ANGPTL5: variants seen among roughly 807,000 people sequenced by gnomAD.
ANGPTL5 encodes the protein angiopoietin like 5.
ANGPTL5 carries 34 observed loss-of-function variants against 39.4 expected under a neutral mutation model. The ratio of observed to expected loss-of-function variants is 0.86; its 90% CI spans 0.66 to 1.15. ANGPTL5 has a LOEUF of 1.15. Ranked by LOEUF, ANGPTL5 falls within the 50% of genes most tolerant of loss-of-function variation. The pLI is 0.00. For synonymous variants in ANGPTL5, 146 were observed against 152.1 expected (o/e 0.96, Z 0.29); for missense variants, 467 against 457.5 (o/e 1.02, Z -0.19).
intron 1 of ANGPTL5, chr11:101,915,457 C>T (rs913238210): frequency 2.3e-5 from 36 of 1,571,760 alleles, no homozygotes; most frequent in Non-Finnish European, 2.7e-5. Context: ...ATGTTGAAAA[C>T]GGGGCCCATC....
chr11:101,915,552 C>T, intron 1 of ANGPTL5: 13 of 1,132,126 alleles, frequency 1.1e-5, no homozygotes, highest in Non-Finnish European at 1.6e-5. Context: ...CCTTTAGCAA[C>T]TGTCGTGTCT....
intron 3 of ANGPTL5, 61 bp downstream of exon 3, chr11:101,907,040 AGT>A (rs1481693544): frequency 1.7e-5 from 22 of 1,263,764 alleles, no homozygotes; most frequent in Non-Finnish European, 2.3e-5. Flanking sequence ...TATACTTTTC[AGT>A]GTCTACCCTA....
At chr11:101,910,113 C>T (rs1221360668) in intron 1 of ANGPTL5, among the ~76,000 whole-genome samples, 1 of 152,072 alleles carries the variant, frequency 6.6e-6, no homozygotes, top group African/African-American at 2.4e-5. Context: ...TCTAAAGATA[C>T]TAAAAATAAT....
rs567651617 is a variant in ANGPTL5 at position 101,897,730 on chromosome 11, C to T, written c.662-2666G>A. On this transcript the variant is annotated intron_variant, in intron 7 of 8. Coordinates refer to ENST00000334289, the MANE Select transcript of ANGPTL5 (RefSeq NM_178127.5). ...TTGGTCCATATATCTGTTTTGGTAC[C>T]AGTATCAAGCTGTTTTGGTTACTGT... Among the ~76,000 whole-genome samples, 7 of 152,200 alleles carry T rather than the reference C, an allele frequency of 4.6e-5. No homozygotes were observed. The East Asian group carries it at 1.2e-3, about 25-fold the overall frequency.
intron 6 of ANGPTL5, among the ~76,000 whole-genome samples, chr11:101,901,547 C>G (rs1041269063): frequency 6.6e-6 from 1 of 152,214 alleles, no homozygotes. Flanking sequence ...AAAATTCTCC[C>G]TCAGAAACTT....
intron 8 of ANGPTL5, among the ~76,000 whole-genome samples, chr11:101,892,896 T>C (rs191264694): frequency 1.5e-3 from 223 of 152,366 alleles, no homozygotes; most frequent in Middle Eastern, 3.4e-3. Flanking sequence ...CTGCTGATTA[T>C]TAAAGTCTCT....
In ANGPTL5 at chr11:101,901,015, CTTT is replaced by C. The variant is rs34425298; in HGVS notation, c.541-468_541-466del. 2.4e-3 allele frequency among the ~76,000 whole-genome samples: 236 copies of C among 98,618 alleles called. 3 individuals are homozygous for C. The East Asian group carries it at 0.027, about 11-fold the overall frequency. 64.7% of individuals were successfully genotyped at this position (98,618 alleles called of 152,430 possible). On this transcript the variant is annotated intron_variant, in intron 6 of 8. Coordinates refer to ENST00000334289, the MANE Select transcript of ANGPTL5 (RefSeq NM_178127.5). ...TACAGGCGCCCGCTAGCACCCCCGG[CTTT>C]TTTTTTTTTTTTTTTTTTCTTTTGT...
At chr11:101,892,318 C>T (rs1366517135) in intron 8 of ANGPTL5, among the ~76,000 whole-genome samples, 1 of 152,302 alleles carries the variant, frequency 6.6e-6, no homozygotes, top group Admixed American at 6.5e-5. Context: ...GCAACCTTCA[C>T]CTCCCAGGGT....
At chr11:101,899,914 T>C (rs1939863209) in intron 7 of ANGPTL5, among the ~76,000 whole-genome samples, 1 of 152,252 alleles carries the variant, frequency 6.6e-6, no homozygotes, top group African/African-American at 2.4e-5. Flanking sequence ...GTGGCAATAA[T>C]GTAAACAGAT....
chr11:101,897,199 CTTGT>C (rs775203375), intron 7 of ANGPTL5, among the ~76,000 whole-genome samples: 7 of 151,798 alleles, frequency 4.6e-5, no homozygotes, highest in Non-Finnish European at 8.8e-5. Flanking sequence ...TTTTGATGGG[CTTGT>C]TTGTTTTTTT....
rs1940113436 is a variant in ANGPTL5 at position 101,912,826 on chromosome 11, GT to G, written c.-93+3192del. Among the ~76,000 whole-genome samples the G allele has an allele frequency of 2.0e-5, 3 of 152,272 alleles. No homozygotes were observed. The South Asian group carries it at 6.2e-4, about 32-fold the overall frequency. ...CTCATTATATCCTCTTCCTGTTGTA[GT>G]TTGGACACAATTGACCAGGATTAAC... is the stretch of plus-strand genomic sequence containing the variant. On this transcript the variant is annotated intron_variant, in intron 1 of 8. Coordinates refer to ENST00000334289, the MANE Select transcript of ANGPTL5 (RefSeq NM_178127.5).
chr11:101,904,750 T>G lies in ANGPTL5; in HGVS notation c.439+64A>C, dbSNP rs1009311007. On this transcript the variant is annotated intron_variant, in intron 5 of 8. Transcript: ENST00000334289. ...AATAAAACTTTTAAATGGATCGACC[T>G]GTCCAGGAAAATTTTAAGCAATAAA... 2.1e-6 allele frequency: 3 copies of G among 1,405,826 alleles called. No homozygotes were observed. The African/African-American group carries it at 4.3e-5, about 20-fold the overall frequency. The allele number at this position is 1,405,826 out of a possible 1,614,324, so 87.1% of individuals were successfully genotyped here. A position where few individuals can be genotyped will look rare whatever the true frequency, so the allele number is the denominator to read the frequency against.
intron 1 of ANGPTL5, among the ~76,000 whole-genome samples, chr11:101,913,080 CACTG>C (rs1190975641): frequency 6.6e-6 from 1 of 152,212 alleles, no homozygotes; most frequent in Non-Finnish European, 1.5e-5. Context: ...CACCACCAGA[CACTG>C]ACTAACTGAC....
chr11:101,905,601 TA>T, intron 4 of ANGPTL5, 142 bp downstream of exon 4: 1 of 639,986 alleles, frequency 1.6e-6, no homozygotes, highest in East Asian at 2.8e-5. Context: ...TTTGTTTGCC[TA>T]AAGTTTACTA....
intron 5 of ANGPTL5, 21 bp from the exon 6 acceptor site, chr11:101,902,742 A>G: frequency 1.4e-6 from 2 of 1,458,778 alleles, no homozygotes. Flanking sequence ...AAAATTATTT[A>G]ATTGGGATAT....
intron 1 of ANGPTL5, among the ~76,000 whole-genome samples, chr11:101,913,882 C>T (rs1940136451): frequency 6.6e-6 from 1 of 152,198 alleles, no homozygotes; most frequent in African/African-American, 2.4e-5. Flanking sequence ...AAAAACTTGC[C>T]AAGATAGCCA....
At chr11:101,909,733 C>T (rs1940057944) in intron 1 of ANGPTL5, among the ~76,000 whole-genome samples, 1 of 151,498 alleles carries the variant, frequency 6.6e-6, no homozygotes, top group African/African-American at 2.4e-5. Context: ...AGTGAAAGCA[C>T]AAAAAAATTG....
intron 7 of ANGPTL5, among the ~76,000 whole-genome samples, chr11:101,895,922 A>C (rs985493184): frequency 1.3e-5 from 2 of 152,182 alleles, no homozygotes; most frequent in African/African-American, 4.8e-5. Flanking sequence ...CAAACTCTTC[A>C]AATTATAGCT....
intron 7 of ANGPTL5, among the ~76,000 whole-genome samples, chr11:101,897,372 T>A (rs554008831): frequency 2.0e-5 from 3 of 152,254 alleles, no homozygotes; most frequent in Non-Finnish European, 4.4e-5. Flanking sequence ...AGATCCCATT[T>A]GTCAATTTTG....
Sources: gnomAD v4.1 joint callset for allele counts (sites outside exome capture counted in the v4.1 genomes callset) on GRCh38, gnomAD v4.1.1 for gene constraint, MANE v1.5 for transcripts, NCBI Gene and HGNC (gene_info 2026-07-23, HGNC 2026-07-21) for gene names.